CGNL1: variants seen among roughly 807,000 people sequenced by gnomAD.
CGNL1 encodes cingulin-like protein 1.
A neutral mutation model predicts 141.2 loss-of-function variants in CGNL1; 132 were observed. The observed-to-expected ratio is 0.93, with a 90% confidence interval of 0.81 to 1.08. The LOEUF (loss-of-function observed/expected upper bound fraction) is 1.08. Ranked by LOEUF, CGNL1 falls within the 50% of genes least tolerant of loss-of-function variation. The pLI is 0.00. For synonymous variants in CGNL1, 690 were observed against 622.1 expected (o/e 1.11, Z -1.63); for missense variants, 1,870 against 1,588.6 (o/e 1.18, Z -3.01).
intron 8 of CGNL1, among the ~76,000 whole-genome samples, chr15:57,492,189 T>C (rs1311482966): frequency 2.6e-5 from 4 of 152,222 alleles, no homozygotes; most frequent in African/African-American, 4.8e-5. Context: ...GGTTTCTCAC[T>C]CTGGTGAAGG....
chr15:57,439,316 C>A lies in CGNL1; in HGVS notation c.1317C>A (p.Ser439Arg). ...CTCAGGAGCGCCGTGGGAAACAGAG[C>A]GTGGGCCGCACCTTTGCAAAGCTGC... ...PLSQERRGKQ[S>R]VGRTFAKLQG... is the part of the protein sequence containing the mutation. Residue 439 changes from serine to arginine, a missense_variant, in exon 2 of 19, where the codon AGC (serine) becomes AGA (arginine). Physicochemically the swap from Ser to Arg is moderately radical, Grantham distance 110. Coordinates refer to ENST00000281282, the MANE Select transcript of CGNL1 (RefSeq NM_032866.5). 1 of 1,614,092 alleles carries A rather than the reference C, an allele frequency of 6.2e-7. No individual in the cohort carries two copies. Among genetic ancestry groups the A allele is most frequent in the Non-Finnish European group, 8.5e-7 (1 of 1,180,036 alleles).
Position 57,496,624 on chromosome 15 carries a change from T to A in CGNL1, c.2404-20156T>A, listed in dbSNP as rs181426946. ...ATTCCAAGTCTGTCTTGTAAAGGAA[T>A]GATCAAGAAAGAGGTTGGTGGCCTT... On this transcript the variant is annotated intron_variant, in intron 8 of 18. Coordinates refer to ENST00000281282, the MANE Select transcript of CGNL1 (RefSeq NM_032866.5). Among the ~76,000 whole-genome samples, 643 of 152,236 alleles carry A rather than the reference T, an allele frequency of 4.2e-3. 1 individual carries two copies. Among genetic ancestry groups the A allele is most frequent in the Non-Finnish European group, 5.2e-3 (355 of 68,018 alleles).
intron 7 of CGNL1, among the ~76,000 whole-genome samples, chr15:57,456,628 A>T (rs957745453): frequency 2.0e-5 from 3 of 148,362 alleles, no homozygotes; most frequent in Admixed American, 6.7e-5. Context: ...TGATTCTGAA[A>T]TTTTTTTTTT....
chr15:57,382,832 G>A (rs2062438582), intron 1 of CGNL1, among the ~76,000 whole-genome samples: 1 of 152,152 alleles, frequency 6.6e-6, no homozygotes, highest in Non-Finnish European at 1.5e-5. Flanking sequence ...CTCTAAGGCT[G>A]GGAGTTTGGG....
chr15:57,493,606 A>G (rs1253006220), intron 8 of CGNL1, among the ~76,000 whole-genome samples: 1 of 152,138 alleles, frequency 6.6e-6, no homozygotes, highest in African/African-American at 2.4e-5. Flanking sequence ...CGTTTTGGGG[A>G]TTAACTATAG....
At position 57,524,570 on chromosome 15, in the gene CGNL1, ACTT is replaced by A. The variant is rs749450664; in HGVS notation, c.2869-5_2869-3del. The A allele has an allele frequency of 1.9e-6, 3 of 1,609,468 alleles. No homozygotes were observed. Among genetic ancestry groups the A allele is most frequent in the African/African-American group, 2.7e-5 (2 of 74,672 alleles). ...CCCAGGGTGGGCTCACACCCGTGTCACTTCTTCTAGATGGCAGACATTGTTGAG... is the reference window on the plus strand; with the variant it reads ...CCCAGGGTGGGCTCACACCCGTGTCACTTCTAGATGGCAGACATTGTTGAG... On this transcript the variant is annotated splice_polypyrimidine_tract_variant and splice_region_variant and intron_variant, in intron 11 of 18. Transcript: ENST00000281282.
At chr15:57,464,718 T>A (rs2063489666) in intron 8 of CGNL1, among the ~76,000 whole-genome samples, 1 of 141,814 alleles carries the variant, frequency 7.1e-6, no homozygotes, top group African/African-American at 2.9e-5. Context: ...TCCTTTCCTT[T>A]CCTTTCCTTT....
At chr15:57,491,638 TAA>T (rs370199046) in intron 8 of CGNL1, among the ~76,000 whole-genome samples, 14 of 152,310 alleles carry the variant, frequency 9.2e-5, no homozygotes, top group African/African-American at 3.4e-4. Flanking sequence ...ACATTGTAGC[TAA>T]GAGGCAGAAT....
chr15:57,377,194 A>T (rs1297667671), intron 1 of CGNL1: 1 of 152,168 alleles, frequency 6.6e-6, no homozygotes, highest in African/African-American at 2.4e-5. Context: ...GGAGTTAGTT[A>T]CACAGGATTT....
chr15:57,471,531 G>A (rs1413397746), intron 8 of CGNL1, among the ~76,000 whole-genome samples: 1 of 152,198 alleles, frequency 6.6e-6, no homozygotes, highest in East Asian at 1.9e-4. Context: ...GGCAGCGTGC[G>A]GAGAAAGTGA....
At chr15:57,420,418 C>T (rs2062900971) in intron 1 of CGNL1, among the ~76,000 whole-genome samples, 1 of 152,298 alleles carries the variant, frequency 6.6e-6, no homozygotes, top group Non-Finnish European at 1.5e-5. Context: ...ACTGATGTCT[C>T]CACTTTCATC....
chr15:57,455,495 G>C (rs182019443), intron 7 of CGNL1, among the ~76,000 whole-genome samples: 1 of 151,790 alleles, frequency 6.6e-6, no homozygotes, highest in African/African-American at 2.4e-5. Flanking sequence ...GATATCCCCT[G>C]TCCTTTTAGT....
intron 8 of CGNL1, among the ~76,000 whole-genome samples, chr15:57,496,575 G>T (rs541353617): frequency 6.6e-6 from 1 of 152,168 alleles, no homozygotes; most frequent in Non-Finnish European, 1.5e-5. Flanking sequence ...GTGCCAAAAA[G>T]GTTGGGGACT....
intron 1 of CGNL1, among the ~76,000 whole-genome samples, chr15:57,424,991 A>G (rs1347123632): frequency 2.0e-5 from 3 of 152,222 alleles, no homozygotes; most frequent in Non-Finnish European, 4.4e-5. Flanking sequence ...TAATATAAGA[A>G]CTATAATCGT....
chr15:57,396,893 TAATG>T (rs1433049523), intron 1 of CGNL1: 1 of 152,122 alleles, frequency 6.6e-6, no homozygotes, highest in Non-Finnish European at 1.5e-5. Context: ...TGATATGTAA[TAATG>T]AATATAACTT....
chr15:57,512,309 G>T (rs1183441607), intron 8 of CGNL1, among the ~76,000 whole-genome samples: 2 of 152,116 alleles, frequency 1.3e-5, no homozygotes, highest in African/African-American at 2.4e-5. Flanking sequence ...CATTACTACT[G>T]CAAGTGAATT....
intron 14 of CGNL1, 58 bp from the exon 15 acceptor site, chr15:57,543,638 T>C (rs777058367): frequency 3.3e-4 from 476 of 1,459,490 alleles, no homozygotes; most frequent in Non-Finnish European, 4.4e-4. Flanking sequence ...ACCATTTCAG[T>C]ACAAAAGATA....
intron 7 of CGNL1, among the ~76,000 whole-genome samples, chr15:57,458,966 G>C (rs2063413411): frequency 6.6e-6 from 1 of 152,194 alleles, no homozygotes; most frequent in Non-Finnish European, 1.5e-5. Flanking sequence ...GATTGTAGCG[G>C]TTCCCCTGGT....
chr15:57,520,269 C>G (rs1210018302), intron 10 of CGNL1, among the ~76,000 whole-genome samples: 1 of 152,326 alleles, frequency 6.6e-6, no homozygotes, highest in Admixed American at 6.5e-5. Flanking sequence ...AAATTGGAAA[C>G]CAGATAGTCA....
Sources: gnomAD v4.1 joint callset for allele counts (sites outside exome capture counted in the v4.1 genomes callset) on GRCh38, gnomAD v4.1.1 for gene constraint, MANE v1.5 for transcripts, NCBI Gene and HGNC (gene_info 2026-07-23, HGNC 2026-07-21) for gene names.